Variants in PARVG observed in about 807,000 individuals in gnomAD.
The protein encoded by PARVG is parvin gamma.
In PARVG, 36 loss-of-function variants were observed where a neutral mutation model predicts 44.4. That is an observed-to-expected ratio of 0.81 (90% CI 0.62 to 1.07). The LOEUF (loss-of-function observed/expected upper bound fraction) is 1.07. Ranked by LOEUF, PARVG falls within the 50% of genes least tolerant of loss-of-function variation. PARVG has a pLI of 0.00. For synonymous variants in PARVG, 170 were observed against 174.1 expected (o/e 0.98, Z 0.19); for missense variants, 407 against 407.4 (o/e 1.00, Z 0.01).
intron 6 of PARVG, among the ~76,000 whole-genome samples, 163 bp from the exon 7 acceptor site, chr22:44,190,388 A>AT (rs959290659): frequency 2.3e-4 from 35 of 152,244 alleles, no homozygotes; most frequent in Admixed American, 2.2e-3. Flanking sequence ...AAGTGTGATG[A>AT]TTTTTAGGTT....
chr22:44,186,804 C>T (rs1245422773), intron 4 of PARVG: 7 of 394,000 alleles, frequency 1.8e-5, no homozygotes, highest in Non-Finnish European at 3.1e-5. Context: ...TCTGGGGGCT[C>T]AAGCCTGCTG....
Position 44,206,396 on chromosome 22 carries a change from G to C in PARVG, c.966G>C (p.Arg322Ser). 1 of 1,614,046 alleles carries C rather than the reference G, an allele frequency of 6.2e-7. No individual in the cohort carries two copies. The highest frequency in any genetic ancestry group is 8.5e-7 in the Non-Finnish European group (1 of 1,179,992). Reference sequence around the variant, plus strand: ...GCAAGCACACGCAGAAGGCACACAGGGACAGGACGCCCCATGGAGCCCCGA... The same window carrying C: ...GCAAGCACACGCAGAAGGCACACAGCGACAGGACGCCCCATGGAGCCCCGA... ...LFCKHTQKAH[R>S]DRTPHGAPN Residue 322 changes from arginine to serine, a missense_variant, in exon 14 of 14, where the codon AGG (arginine) becomes AGC (serine). Arg to Ser is a moderately radical substitution (Grantham distance 110). Transcript: ENST00000444313.
At position 44,186,685 on chromosome 22, in the gene PARVG, C is replaced by G. The variant is rs181074979; in HGVS notation, c.144+813C>G. 1.1e-4 allele frequency: 50 copies of G among 470,646 alleles called. No homozygotes were observed. The East Asian group carries it at 3.4e-3, about 32-fold the overall frequency. 29.2% of individuals were successfully genotyped at this position (470,646 alleles called of 1,614,324 possible). A position where few individuals can be genotyped will look rare whatever the true frequency, so the allele number is the denominator to read the frequency against. ...GTCTCAGCTCGGTCTCCTCCACAGG[C>G]TGATCCAGAGACAAGGATTTGGATG... is the stretch of plus-strand genomic sequence containing the variant. On this transcript the variant is annotated intron_variant, in intron 4 of 13. Transcript: ENST00000444313.
rs768245946 is a variant in PARVG, at chr22:44,192,096, T to C, written c.552T>C (p.Thr184=). 1.2e-6 allele frequency: 2 copies of C among 1,612,376 alleles called. No individual in the cohort carries two copies. The highest frequency in any genetic ancestry group is 1.7e-6 in the Non-Finnish European group (2 of 1,179,766). Residue 184 remains threonine, a synonymous_variant, in exon 8 of 14, where the codon ACT becomes ACC. Coordinates refer to ENST00000444313, the MANE Select transcript of PARVG (RefSeq NM_022141.7). ...CAGAGAAGTTGGTGGAACAGCTCAC[T>C]GAATACAGGTGAGGGAAGGATGAGG... ...LKSEKLVEQL[T]EYSTDKDEPP... is the part of the protein sequence containing the mutation.
chr22:44,176,372 G>T (rs190239590), upstream of PARVG, among the ~76,000 whole-genome samples: 2 of 152,300 alleles, frequency 1.3e-5, no homozygotes, highest in East Asian at 1.9e-4. Flanking sequence ...TAATGACGGA[G>T]AAAAATTCTG....
intron 9 of PARVG, 77 bp from the exon 10 acceptor site, chr22:44,196,078 T>C (rs1032031584): frequency 6.4e-7 from 1 of 1,556,540 alleles, no homozygotes; most frequent in Non-Finnish European, 8.8e-7. Context: ...AAGAAACTTT[T>C]GTGAAAAAAA....
chr22:44,175,749 A>G (rs925387853), intron 1 of PARVG, among the ~76,000 whole-genome samples: 1 of 152,174 alleles, frequency 6.6e-6, no homozygotes, highest in African/African-American at 2.4e-5. Flanking sequence ...TGGACAACAC[A>G]GTGAGGCCGA....
intron 12 of PARVG, among the ~76,000 whole-genome samples, chr22:44,203,855 C>T (rs980277925): frequency 5.9e-5 from 9 of 152,252 alleles, no homozygotes; most frequent in African/African-American, 1.7e-4. Context: ...ACATTGGTGC[C>T]GTGTGATAGC....
chr22:44,193,488 C>A (rs1055161906), intron 8 of PARVG, among the ~76,000 whole-genome samples: 3 of 152,152 alleles, frequency 2.0e-5, no homozygotes, highest in African/African-American at 7.2e-5. Flanking sequence ...AAGCTGTGAG[C>A]TTACGATTTG....
Position 44,194,842 on chromosome 22 carries a change from CATCT to C in PARVG, c.583+1023_583+1026del, listed in dbSNP as rs377509066. Among the ~76,000 whole-genome samples the C allele has an allele frequency of 6.3e-3, 957 of 151,662 alleles. 7 individuals carry two copies. Among genetic ancestry groups the C allele is most frequent in the African/African-American group, 0.02 (833 of 41,352 alleles). On this transcript the variant is annotated intron_variant, in intron 9 of 13. Transcript: ENST00000444313. ...CCATATATTCATCCATCCATCCATC[CATCT>C]ATCCATCCATCCACCCACACACCTA...
chr22:44,185,512 C>A, intron 3 of PARVG: 1 of 288,190 alleles, frequency 3.5e-6, no homozygotes, highest in African/African-American at 2.2e-5. Context: ...GCTGGGGTTT[C>A]ACTTTACCTA....
chr22:44,183,386 A>C lies in PARVG; in HGVS notation c.57A>C (p.Pro19=). The change falls in exon 3 of 14, where the codon CCA becomes CCC. Residue 19 remains proline, a synonymous_variant. Transcript: ENST00000444313. The part of the protein sequence containing the change: ...LLQLPKGVEP[P]AEEELSKGGK... ...AGCTCCCCAAGGGGGTGGAGCCCCC[A>C]GCGGAGGAGGAGCTCTCAAAAGGTG... 6.2e-7 allele frequency: 1 copy of C among 1,607,114 alleles called. No individual in the cohort carries two copies. Among genetic ancestry groups the C allele is most frequent in the Non-Finnish European group, 8.5e-7 (1 of 1,177,964 alleles).
intron 12 of PARVG, among the ~76,000 whole-genome samples, chr22:44,204,292 A>T (rs139177): frequency 6.6e-6 from 1 of 151,698 alleles, no homozygotes; most frequent in Non-Finnish European, 1.5e-5. Context: ...TCCAGCTCCT[A>T]TGCCTTCATC....
upstream of PARVG, among the ~76,000 whole-genome samples, chr22:44,177,043 C>T (rs1175910157): frequency 6.6e-6 from 1 of 152,108 alleles, no homozygotes; most frequent in African/African-American, 2.4e-5. Context: ...ATTATGGGAG[C>T]TACAATTCAA....
chr22:44,200,471 C>T (rs2054691961), intron 12 of PARVG, among the ~76,000 whole-genome samples: 1 of 152,156 alleles, frequency 6.6e-6, no homozygotes, highest in African/African-American at 2.4e-5. Flanking sequence ...ACATGTGGTC[C>T]CTAGTATCCC....
chr22:44,194,048 A>AT (rs1601740029), intron 9 of PARVG, among the ~76,000 whole-genome samples: 2 of 152,262 alleles, frequency 1.3e-5, no homozygotes, highest in East Asian at 3.9e-4. Context: ...GAGATTTATA[A>AT]TTCACATGGG....
intron 13 of PARVG, among the ~76,000 whole-genome samples, chr22:44,206,061 C>G (rs2054776689): frequency 6.6e-6 from 1 of 152,118 alleles, no homozygotes; most frequent in African/African-American, 2.4e-5. Flanking sequence ...ACAGGTTGTC[C>G]AGAGAAGCCA....
chr22:44,206,738 C>G lies in PARVG; in HGVS notation c.*312C>G. 2.9e-6 allele frequency: 1 copy of G among 346,544 alleles called. No homozygotes were observed. Among genetic ancestry groups the G allele is most frequent in the Non-Finnish European group, 5.4e-6 (1 of 185,952 alleles). The allele number at this position is 346,544 out of a possible 1,614,324, so 21.5% of individuals were successfully genotyped here. Reference sequence around the variant, plus strand: ...TGGGGTGAGTGTGTGTCACATCAGTCTCTCATCTCTGGGCCCAGGCTAGTG... The same window carrying G: ...TGGGGTGAGTGTGTGTCACATCAGTGTCTCATCTCTGGGCCCAGGCTAGTG... On this transcript the variant is annotated 3_prime_UTR_variant, in exon 14 of 14. Coordinates refer to ENST00000444313, the MANE Select transcript of PARVG (RefSeq NM_022141.7).
chr22:44,196,655 G>C (rs1189474503), intron 11 of PARVG, among the ~76,000 whole-genome samples: 1 of 152,140 alleles, frequency 6.6e-6, no homozygotes, highest in Non-Finnish European at 1.5e-5. Context: ...CACCTCGGCT[G>C]TCACTGCTTC....
Sources: gnomAD v4.1 joint callset for allele counts (sites outside exome capture counted in the v4.1 genomes callset) on GRCh38, gnomAD v4.1.1 for gene constraint, MANE v1.5 for transcripts, NCBI Gene and HGNC (gene_info 2026-07-23, HGNC 2026-07-21) for gene names.